PRKCB: variants seen among roughly 807,000 people sequenced by gnomAD.
PRKCB encodes the protein protein kinase C beta.
In PRKCB, 13 loss-of-function variants were observed where a neutral mutation model predicts 81.5. The observed-to-expected ratio is 0.16, with a 90% CI of 0.10 to 0.25. PRKCB has a LOEUF of 0.25. Ranked by LOEUF, PRKCB falls within the 10% of genes least tolerant of loss-of-function variation. PRKCB has a pLI of 1.00. For missense variants in PRKCB, 509 were observed against 875.7 expected, an observed-to-expected ratio of 0.58 and a Z score of 5.29; for synonymous variants, 335 against 321.4, an observed-to-expected ratio of 1.04 and a Z score of -0.45.
At chr16:24,159,823 A>G (rs994118713) in intron 10 of PRKCB, among the ~76,000 whole-genome samples, 5 of 152,090 alleles carry the variant, frequency 3.3e-5, no homozygotes, top group African/African-American at 1.2e-4. Flanking sequence ...GCAAGATCCC[A>G]TCTCTACAAA....
intron 6 of PRKCB, 82 bp from the exon 7 acceptor site, chr16:24,094,081 C>G (rs1317502195): frequency 7.3e-5 from 106 of 1,451,354 alleles, no homozygotes; most frequent in Non-Finnish European, 9.8e-5. Flanking sequence ...TTTCTACCTC[C>G]AGGTCTTGTC....
intron 5 of PRKCB, among the ~76,000 whole-genome samples, chr16:24,045,943 A>G (rs1965758291): frequency 6.6e-6 from 1 of 152,214 alleles, no homozygotes; most frequent in African/African-American, 2.4e-5. Context: ...CGCGTTGGCC[A>G]TGGCATCTTA....
At chr16:24,196,896 A>G (rs1211061048) in intron 16 of PRKCB, among the ~76,000 whole-genome samples, 1 of 152,176 alleles carries the variant, frequency 6.6e-6, no homozygotes, top group Non-Finnish European at 1.5e-5. Flanking sequence ...TGGTGAAGTT[A>G]TTGTTCAGGG....
intron 2 of PRKCB, among the ~76,000 whole-genome samples, chr16:23,929,752 A>AT (rs1271821514): frequency 6.6e-6 from 1 of 151,940 alleles, no homozygotes; most frequent in Non-Finnish European, 1.5e-5. Flanking sequence ...TAAGGGATCT[A>AT]TTTTTTTCTT....
At chr16:24,075,747 G>T (rs1966168951) in intron 5 of PRKCB, among the ~76,000 whole-genome samples, 1 of 152,166 alleles carries the variant, frequency 6.6e-6, no homozygotes. Context: ...GATTAATGCT[G>T]AATTGTAACT....
chr16:24,183,453 A>G (rs1967658226), intron 13 of PRKCB, among the ~76,000 whole-genome samples: 1 of 152,216 alleles, frequency 6.6e-6, no homozygotes, highest in Non-Finnish European at 1.5e-5. Flanking sequence ...CTGCTACTTA[A>G]CTGAAATTTT....
At chr16:23,953,692 A>ACATT (rs376772797) in intron 2 of PRKCB, among the ~76,000 whole-genome samples, 61 of 152,320 alleles carry the variant, frequency 4.0e-4, no homozygotes, top group East Asian at 1.4e-3. Context: ...ATGCGTGAGC[A>ACATT]CATTCATTCA....
intron 2 of PRKCB, among the ~76,000 whole-genome samples, chr16:23,978,581 A>G (rs1964653885): frequency 6.6e-6 from 1 of 152,194 alleles, no homozygotes; most frequent in Non-Finnish European, 1.5e-5. Flanking sequence ...TGTGCACAAT[A>G]GGGAATGTGT....
At chr16:24,184,269 A>G (rs974772048) in intron 13 of PRKCB, among the ~76,000 whole-genome samples, 12 of 152,092 alleles carry the variant, frequency 7.9e-5, no homozygotes, top group South Asian at 4.1e-4. Flanking sequence ...CAGTCTGGGC[A>G]ATATAGAGAG....
At chr16:24,148,309 T>C (rs1418941437) in intron 9 of PRKCB, among the ~76,000 whole-genome samples, 1 of 152,178 alleles carries the variant, frequency 6.6e-6, no homozygotes, top group African/African-American at 2.4e-5. Flanking sequence ...ATTTAAACAC[T>C]CCAAGAGCAA....
intron 2 of PRKCB, among the ~76,000 whole-genome samples, chr16:23,914,628 AC>A (rs947488236): frequency 3.6e-4 from 55 of 152,208 alleles, no homozygotes; most frequent in African/African-American, 1.3e-3. Flanking sequence ...ATGACATAGC[AC>A]CCACCTCACA....
At chr16:24,165,486 G>T (rs980018556) in intron 10 of PRKCB, among the ~76,000 whole-genome samples, 1 of 152,122 alleles carries the variant, frequency 6.6e-6, no homozygotes, top group Non-Finnish European at 1.5e-5. Flanking sequence ...AAAAATAAGC[G>T]CTCGATGAAA....
rs376418578 is a variant in PRKCB at position 24,014,344 on chromosome 16, C to T, written c.289-17792C>T. Reference sequence around the variant, plus strand: ...GATTTATTTATAATGTGGGTGTGATCCGTTGCCATGTGACTATTCCCTGAA... The same window carrying T: ...GATTTATTTATAATGTGGGTGTGATTCGTTGCCATGTGACTATTCCCTGAA... On this transcript the variant is annotated intron_variant, in intron 3 of 16. Coordinates refer to ENST00000643927, the MANE Select transcript of PRKCB (RefSeq NM_002738.7). 4.6e-5 allele frequency among the ~76,000 whole-genome samples: 7 copies of T among 152,106 alleles called. No individual in the cohort carries two copies. In the East Asian group the frequency reaches 9.7e-4, roughly 21 times the overall value.
intron 16 of PRKCB, among the ~76,000 whole-genome samples, chr16:24,194,794 A>G (rs957965522): frequency 2.6e-5 from 4 of 152,196 alleles, no homozygotes; most frequent in Admixed American, 1.3e-4. Context: ...GGGTTTAACA[A>G]TGACTTTCAA....
At chr16:23,957,070 A>T (rs1964359636) in intron 2 of PRKCB, among the ~76,000 whole-genome samples, 1 of 151,838 alleles carries the variant, frequency 6.6e-6, no homozygotes, top group Non-Finnish European at 1.5e-5. Flanking sequence ...TCCAGAAGCC[A>T]TAAAGAAAAA....
chr16:23,880,773 G>A (rs1032169503), intron 2 of PRKCB, among the ~76,000 whole-genome samples: 2 of 151,962 alleles, frequency 1.3e-5, no homozygotes, highest in Admixed American at 1.3e-4. Flanking sequence ...AAGATGCAGA[G>A]AAAGAAAATA....
intron 5 of PRKCB, among the ~76,000 whole-genome samples, chr16:24,038,790 G>T (rs1201564326): frequency 6.6e-6 from 1 of 152,230 alleles, no homozygotes; most frequent in South Asian, 2.1e-4. Context: ...TGTGGTCTCC[G>T]TGGAAGTCTT....
chr16:23,903,636 G>T (rs578241195), intron 2 of PRKCB, among the ~76,000 whole-genome samples: 2 of 152,154 alleles, frequency 1.3e-5, no homozygotes, highest in Non-Finnish European at 2.9e-5. Context: ...GGAGAATGCC[G>T]GAGAGGGGAA....
At chr16:24,116,390 A>G (rs1034655243) in intron 8 of PRKCB, among the ~76,000 whole-genome samples, 16 of 151,982 alleles carry the variant, frequency 1.1e-4, no homozygotes, top group Non-Finnish European at 1.5e-4. Context: ...CCCTACCTCT[A>G]TTATTAAAAA....
Sources: allele counts gnomAD v4.1 joint callset (sites outside exome capture counted in the v4.1 genomes callset), GRCh38; gene constraint gnomAD v4.1.1; transcripts MANE v1.5; gene names NCBI Gene and HGNC (gene_info 2026-07-23, HGNC 2026-07-21).